The following IFT80 variants were observed in gnomAD, a reference collection of about 807,000 sequenced individuals.
IFT80 encodes the protein intraflagellar transport protein 80 homolog.
A neutral mutation model predicts 107.9 loss-of-function variants in IFT80; 79 were observed. The ratio of observed to expected loss-of-function variants is 0.73; its 90% CI spans 0.61 to 0.88. IFT80 has a LOEUF of 0.88. Ranked by LOEUF, IFT80 falls within the 40% of genes least tolerant of loss-of-function variation. The pLI is 0.00. For synonymous variants in IFT80, 299 were observed against 300.9 expected (o/e 0.99, Z 0.07); for missense variants, 797 against 914.2 (o/e 0.87, Z 1.65).
intron 8 of IFT80, among the ~76,000 whole-genome samples, chr3:160,322,509 T>A (rs1718319813): frequency 6.6e-6 from 1 of 152,122 alleles, no homozygotes; most frequent in African/African-American, 2.4e-5. Flanking sequence ...TGTGCATGTG[T>A]CTTTATAACA....
chr3:160,284,707 A>G (rs540189110), intron 13 of IFT80, among the ~76,000 whole-genome samples: 1 of 152,340 alleles, frequency 6.6e-6, no homozygotes, highest in African/African-American at 2.4e-5. Context: ...TGATACATAC[A>G]TAAAATGTTA....
chr3:160,268,651 A>G, intron 18 of IFT80, 115 bp from the exon 19 acceptor site: 1 of 996,546 alleles, frequency 1.0e-6, no homozygotes, highest in African/African-American at 1.6e-5. Flanking sequence ...ATTCCACAAT[A>G]TGAAATACCA....
In IFT80 at chr3:160,357,628, G is replaced by C. The variant is rs932555357; in HGVS notation, c.550-50C>G. The C allele has an allele frequency of 5.9e-6, 7 of 1,191,482 alleles. No individual in the cohort carries two copies. The African/African-American group carries it at 1.1e-4, about 18-fold the overall frequency. The allele number at this position is 1,191,482 out of a possible 1,614,324, so 73.8% of individuals were successfully genotyped here. A position where few individuals can be genotyped will look rare whatever the true frequency, so the allele number is the denominator to read the frequency against. On this transcript the variant is annotated intron_variant, in intron 6 of 19. Coordinates refer to ENST00000326448, the MANE Select transcript of IFT80 (RefSeq NM_020800.3). ...TAATTATAAGTTTAAAAGCACTTAAGTTTTTTTCTGTAAGAAATATATTTT... is the reference window on the plus strand; with the variant it reads ...TAATTATAAGTTTAAAAGCACTTAACTTTTTTTCTGTAAGAAATATATTTT...
At chr3:160,384,409 A>C in intron 2 of IFT80, 155 bp downstream of exon 2, 2 of 1,330,304 alleles carry the variant, frequency 1.5e-6, no homozygotes, top group Non-Finnish European at 1.9e-6. Context: ...TACTTACAAC[A>C]CATGATCTTA....
intron 19 of IFT80, among the ~76,000 whole-genome samples, chr3:160,265,706 T>C (rs1713262199): frequency 6.6e-6 from 1 of 152,206 alleles, no homozygotes; most frequent in South Asian, 2.1e-4. Context: ...ACTAAGTGTC[T>C]ATCAAACTTC....
rs1713292886 is a variant in IFT80 at position 160,390,445 on chromosome 3, A to G, written c.-46-5799T>C. On this transcript the variant is annotated intron_variant, in intron 1 of 19. Coordinates refer to ENST00000326448, the MANE Select transcript of IFT80 (RefSeq NM_020800.3). ...AAAAAAAAAAAGAAAAAGAAAAGAA[A>G]AGCAGTTTCCTTAGGAAACAACCAG... 2.0e-5 allele frequency among the ~76,000 whole-genome samples: 3 copies of G among 152,022 alleles called. No homozygotes were observed. The South Asian group carries it at 6.2e-4, about 32-fold the overall frequency.
At chr3:160,267,435 G>C (rs1713431246) in intron 19 of IFT80, among the ~76,000 whole-genome samples, 1 of 152,094 alleles carries the variant, frequency 6.6e-6, no homozygotes, top group Non-Finnish European at 1.5e-5. Flanking sequence ...TTAACCCCTA[G>C]CATAGTGTCT....
chr3:160,367,219 AAC>A (rs1721930890), intron 5 of IFT80, among the ~76,000 whole-genome samples: 2 of 152,226 alleles, frequency 1.3e-5, no homozygotes, highest in East Asian at 3.9e-4. Flanking sequence ...TGGTATTGTG[AAC>A]AGAGTTGCAA....
Position 160,291,881 on chromosome 3 carries a change from T to A in IFT80, c.1316-6013A>T, listed in dbSNP as rs556758171. ...TGACGAGCAAATACCTCAGGATGCC[T>A]GCTTGAGGTGGCCCCCTGGGTATAT... On this transcript the variant is annotated intron_variant, in intron 12 of 19. Coordinates refer to ENST00000326448, the MANE Select transcript of IFT80 (RefSeq NM_020800.3). Among the ~76,000 whole-genome samples, 3 of 152,310 alleles carry A rather than the reference T, an allele frequency of 2.0e-5. No homozygotes were observed. The East Asian group carries it at 5.8e-4, about 29-fold the overall frequency.
intron 1 of IFT80, among the ~76,000 whole-genome samples, chr3:160,390,827 G>A (rs368387979): frequency 1.3e-5 from 2 of 152,184 alleles, no homozygotes; most frequent in African/African-American, 4.8e-5. Context: ...TATTCTGTGA[G>A]GGGTAGAAAT....
At chr3:160,295,635 C>T (rs1715916963) in intron 12 of IFT80, among the ~76,000 whole-genome samples, 1 of 151,988 alleles carries the variant, frequency 6.6e-6, no homozygotes, top group Non-Finnish European at 1.5e-5. Context: ...ACCCAGCAAT[C>T]CCACATCTGA....
intron 12 of IFT80, among the ~76,000 whole-genome samples, chr3:160,286,964 A>G (rs1715139862): frequency 6.6e-6 from 1 of 152,094 alleles, no homozygotes; most frequent in African/African-American, 2.4e-5. Flanking sequence ...TGATAATCAG[A>G]TCAAGCATGT....
intron 12 of IFT80, among the ~76,000 whole-genome samples, chr3:160,294,405 G>A (rs1715815253): frequency 6.6e-6 from 1 of 152,128 alleles, no homozygotes; most frequent in Non-Finnish European, 1.5e-5. Flanking sequence ...ATATTTTGTA[G>A]AAATGTGGTT....
At chr3:160,382,879 A>G (rs1399846687) in intron 2 of IFT80, among the ~76,000 whole-genome samples, 1 of 152,220 alleles carries the variant, frequency 6.6e-6, no homozygotes, top group Non-Finnish European at 1.5e-5. Context: ...GAGATTATAG[A>G]AAGATCTTAA....
At position 160,346,999 on chromosome 3, in the gene IFT80, G is replaced by A. The variant is rs73875257; in HGVS notation, c.777+9014C>T. On this transcript the variant is annotated intron_variant, in intron 8 of 19. Transcript: ENST00000326448. ...CCCTTATTCGTTGATGCCACTCTGA[G>A]AGATTTCTAAGGCGTCAAAACAAAG... 8.4e-3 allele frequency among the ~76,000 whole-genome samples: 1,275 copies of A among 152,250 alleles called. 13 individuals are homozygous for A. Among genetic ancestry groups the A allele is most frequent in the African/African-American group, 0.03 (1,231 of 41,556 alleles).
intron 10 of IFT80, among the ~76,000 whole-genome samples, chr3:160,304,853 C>A (rs982467926): frequency 4.6e-5 from 7 of 152,132 alleles, no homozygotes; most frequent in Non-Finnish European, 1.0e-4. Flanking sequence ...ACCAGAAAAA[C>A]AGAAACTGTA....
At chr3:160,282,404 C>T in intron 14 of IFT80, 74 bp downstream of exon 14, 1 of 1,032,528 alleles carries the variant, frequency 9.7e-7, no homozygotes, top group Non-Finnish European at 1.4e-6. Context: ...TTTCCAGATT[C>T]ATTCAAATTA....
chr3:160,285,683 C>G, intron 13 of IFT80, 121 bp downstream of exon 13: 1 of 694,364 alleles, frequency 1.4e-6, no homozygotes. Context: ...ATGGAGAATG[C>G]ACATTGATTT....
chr3:160,266,444 G>C (rs1300818258), intron 19 of IFT80, among the ~76,000 whole-genome samples: 1 of 150,196 alleles, frequency 6.7e-6, no homozygotes, highest in Non-Finnish European at 1.5e-5. Context: ...CTGGAGTGCA[G>C]TGGCATGATC....
Sources: allele counts gnomAD v4.1 joint callset (sites outside exome capture counted in the v4.1 genomes callset), GRCh38; gene constraint gnomAD v4.1.1; transcripts MANE v1.5; gene names NCBI Gene and HGNC (gene_info 2026-07-23, HGNC 2026-07-21).